Variants in ESPN observed in about 807,000 individuals in gnomAD.
ESPN encodes the protein espin, also known as autosomal recessive deafness type 36 protein.
A neutral mutation model predicts 77.7 loss-of-function variants in ESPN; 68 were observed. That is an observed-to-expected ratio of 0.87 (90% CI 0.72 to 1.07). The LOEUF is 1.07. ESPN is among the 50% of genes least tolerant of loss of function. The probability of loss-of-function intolerance (pLI) is 0.00; values close to 1 mark genes in which losing one functional copy is unlikely to be tolerated. For missense variants in ESPN, 1,060 were observed against 1,239.0 expected (o/e 0.86, Z 2.17); for synonymous variants, 449 against 567.1 (o/e 0.79, Z 2.96).
intron 2 of ESPN, among the ~76,000 whole-genome samples, chr1:6,440,052 CG>C (rs1643562809): frequency 6.6e-6 from 1 of 151,954 alleles, no homozygotes; most frequent in Non-Finnish European, 1.5e-5. Context: ...CTGGGTGGGA[CG>C]CCCTCAGGGA....
At position 6,440,606 on chromosome 1, in the gene ESPN, T is replaced by TTCCCC; in HGVS notation, c.676-20_676-19insTCCCC. The TTCCCC allele has an allele frequency of 1.6e-5, 14 of 870,466 alleles. No individual in the cohort carries two copies. The highest frequency in any genetic ancestry group is 1.2e-4 in the East Asian group (3 of 25,488). The allele number at this position is 870,466 out of a possible 1,614,324, so 53.9% of individuals were successfully genotyped here. A position where few individuals can be genotyped will look rare whatever the true frequency, so the allele number is the denominator to read the frequency against. ...CTGGCGCCCAGCCCCCGCCCCCCTCTCCCCGCCCGTCCCGCCCAGGTGAGC... is the reference window on the plus strand; with the variant it reads ...CTGGCGCCCAGCCCCCGCCCCCCTCTTCCCCCCCCGCCCGTCCCGCCCAGGTGAGC... On this transcript the variant is annotated intron_variant, in intron 3 of 12. Transcript: ENST00000645284.
Position 6,440,803 on chromosome 1 carries a change from C to T in ESPN, c.853C>T (p.Leu285=), listed in dbSNP as rs2148519258. ...PLHDAAENGE[L]ECCQILVVNG... is the part of the protein sequence containing the mutation. ...GCACGACGCCGCCGAGAACGGGGAGCTAGAGGTCAGCGCGGGCCCGGGGTG... is the reference window on the plus strand; with the variant it reads ...GCACGACGCCGCCGAGAACGGGGAGTTAGAGGTCAGCGCGGGCCCGGGGTG... Residue 285 remains leucine, a synonymous_variant, in exon 4 of 13, where the codon CTA becomes TTA. Transcript: ENST00000645284. 2.7e-6 allele frequency: 4 copies of T among 1,501,064 alleles called. No homozygotes were observed. Among genetic ancestry groups the T allele is most frequent in the Non-Finnish European group, 3.5e-6 (4 of 1,133,566 alleles). 93.0% of individuals were successfully genotyped at this position (1,501,064 alleles called of 1,614,324 possible).
intron 6 of ESPN, among the ~76,000 whole-genome samples, chr1:6,445,153 A>C (rs1205118664): frequency 6.6e-6 from 1 of 152,208 alleles, no homozygotes; most frequent in Non-Finnish European, 1.5e-5. Flanking sequence ...CACATTCATC[A>C]GTACAAAGAA....
rs947313428 is a variant in ESPN, at chr1:6,424,909, C to T, written c.-47C>T. The T allele has an allele frequency of 8.5e-6, 12 of 1,414,128 alleles. No individual in the cohort carries two copies. The highest frequency in any genetic ancestry group is 9.2e-6 in the Non-Finnish European group (10 of 1,085,848). 87.6% of individuals were successfully genotyped at this position (1,414,128 alleles called of 1,614,324 possible). Reference sequence around the variant, plus strand: ...GCCCGCAAGAACACGTGCATGGCGTCCTGGGGAAGGCGCTGAGTGCGGAGT... The same window carrying T: ...GCCCGCAAGAACACGTGCATGGCGTTCTGGGGAAGGCGCTGAGTGCGGAGT... On this transcript the variant is annotated 5_prime_UTR_variant, in exon 1 of 13. Coordinates refer to ENST00000645284, the MANE Select transcript of ESPN (RefSeq NM_031475.3).
chr1:6,458,764 C>G (rs1644098044), intron 12 of ESPN, among the ~76,000 whole-genome samples: 2 of 149,134 alleles, frequency 1.3e-5, no homozygotes, highest in Non-Finnish European at 3.0e-5. Context: ...AACCCTGTCT[C>G]TACTAAAAAT....
At chr1:6,434,226 G>A (rs1643353236) in intron 2 of ESPN, among the ~76,000 whole-genome samples, 1 of 152,136 alleles carries the variant, frequency 6.6e-6, no homozygotes, top group Non-Finnish European at 1.5e-5. Context: ...ATGGTTGCCT[G>A]GCTTTGCGTT....
chr1:6,430,713 G>A (rs1362963314), intron 2 of ESPN, among the ~76,000 whole-genome samples: 1 of 152,094 alleles, frequency 6.6e-6, no homozygotes, highest in Non-Finnish European at 1.5e-5. Context: ...GGAGGTTGCG[G>A]TGAGCCAAGA....
chr1:6,455,217 C>A (rs1221085843), intron 10 of ESPN: 7 of 389,504 alleles, frequency 1.8e-5, no homozygotes, highest in East Asian at 1.5e-4. Flanking sequence ...GCTGGCGCGC[C>A]GGCCGCCCCT....
At chr1:6,453,651 C>T (rs954081448) in intron 10 of ESPN, among the ~76,000 whole-genome samples, 4 of 152,062 alleles carry the variant, frequency 2.6e-5, no homozygotes, top group African/African-American at 9.7e-5. Flanking sequence ...GCCAGAGGCC[C>T]AGAAGAGAAC....
At chr1:6,433,376 G>A (rs1390243153) in intron 2 of ESPN, among the ~76,000 whole-genome samples, 2 of 151,964 alleles carry the variant, frequency 1.3e-5, no homozygotes, top group South Asian at 4.2e-4. Context: ...CCTGGAAGGC[G>A]GAGGTTGCAG....
chr1:6,452,704 G>A (rs1297422727), intron 10 of ESPN, among the ~76,000 whole-genome samples: 2 of 152,198 alleles, frequency 1.3e-5, no homozygotes, highest in Non-Finnish European at 2.9e-5. Flanking sequence ...ACCACACTGA[G>A]TAGCCAAGAG....
chr1:6,457,335 G>A, intron 11 of ESPN, 26 bp from the exon 12 acceptor site: 1 of 1,614,256 alleles, frequency 6.2e-7, no homozygotes, highest in African/African-American at 1.3e-5. Flanking sequence ...GAGGTACCAA[G>A]TGACACTGTC....
chr1:6,432,737 A>G (rs1328097171), intron 2 of ESPN, among the ~76,000 whole-genome samples: 1 of 152,236 alleles, frequency 6.6e-6, no homozygotes. Context: ...AGGCTCTGTG[A>G]GGCTGTGCAC....
chr1:6,451,625 G>A lies in ESPN; in HGVS notation c.1938G>A (p.Met646Ile), dbSNP rs1643944513. The change falls in exon 9 of 13, where the codon ATG (methionine) becomes ATA (isoleucine). Residue 646 changes from methionine (M) to isoleucine (I), a missense_variant. By Grantham distance (10) the Met-to-Ile change is conservative. Around this residue, in one of 3 missense-constraint regions of ESPN, gnomAD observed 374 missense variants for 381.4 expected, o/e 0.98. Transcript: ENST00000645284. This position sits in a 1 kb window ranked among gnomAD's most constrained non-coding sequence, Gnocchi z 4.3. ...STGSTKSFNMMSPTGDNSELL... is the reference protein window; with the variant it reads ...STGSTKSFNMISPTGDNSELL... ...TAGGCACCAAGTCTTTCAACATGAT[G>A]TCCCCGACGGGCGACAACTCGGAGC... 5 of 1,613,014 alleles carry A rather than the reference G, an allele frequency of 3.1e-6. No individual in the cohort carries two copies. Among genetic ancestry groups the A allele is most frequent in the Non-Finnish European group, 4.2e-6 (5 of 1,179,912 alleles).
chr1:6,436,644 A>G (rs1281572140), intron 2 of ESPN, among the ~76,000 whole-genome samples: 1 of 151,914 alleles, frequency 6.6e-6, no homozygotes, highest in Non-Finnish European at 1.5e-5. Context: ...GGCTGGGACT[A>G]CAGGTGTGCA....
At chr1:6,442,641 G>A (rs527832358) in intron 5 of ESPN, among the ~76,000 whole-genome samples, 3 of 145,308 alleles carry the variant, frequency 2.1e-5, no homozygotes, top group South Asian at 2.2e-4. Flanking sequence ...AGGCTGAGGC[G>A]GGCAGATCAC....
chr1:6,425,662 C>T (rs1332471446), intron 1 of ESPN, among the ~76,000 whole-genome samples: 1 of 152,232 alleles, frequency 6.6e-6, no homozygotes, highest in Non-Finnish European at 1.5e-5. Flanking sequence ...CACAGCCCAC[C>T]CGAGGCTGAG....
rs1352290964 is a variant in ESPN at position 6,450,202 on chromosome 1, G to GC, written c.1915+1113dup. 6.6e-6 allele frequency among the ~76,000 whole-genome samples: 1 copy of GC among 152,144 alleles called. No individual in the cohort carries two copies. The highest frequency in any genetic ancestry group is 2.4e-5 in the African/African-American group (1 of 41,426). ...GTGGAGGCCCTTGCTAGGGGCTAGA[G>GC]CCAGTGGTGGCCCTGCCCAGCCCTC... On this transcript the variant is annotated intron_variant, in intron 8 of 12. Transcript: ENST00000645284. This position sits in a 1 kb window ranked among gnomAD's most constrained non-coding sequence, Gnocchi z 4.3.
At chr1:6,452,492 G>A (rs1481887879) in intron 10 of ESPN, among the ~76,000 whole-genome samples, 1 of 152,146 alleles carries the variant, frequency 6.6e-6, no homozygotes, top group East Asian at 1.9e-4. Flanking sequence ...AACCCTGTTT[G>A]GGGCTTGTCC....
Sources: allele counts gnomAD v4.1 joint callset (sites outside exome capture counted in the v4.1 genomes callset), GRCh38; gene constraint gnomAD v4.1.1; regional missense constraint gnomAD v4.1.1; non-coding constraint Gnocchi (gnomAD v3.1); transcripts MANE v1.5; gene names NCBI Gene and HGNC (gene_info 2026-07-23, HGNC 2026-07-21).